The following WDR7 variants were observed in gnomAD, a reference collection of about 807,000 sequenced individuals.
WDR7 encodes the protein WD repeat-containing protein 7.
A neutral mutation model predicts 169.4 loss-of-function variants in WDR7; 46 were observed. The observed-to-expected ratio is 0.27, with a 90% CI of 0.21 to 0.35. The LOEUF is 0.35. WDR7 is among the 10% of genes least tolerant of loss of function. The probability of loss-of-function intolerance (pLI) is 1.00; values close to 1 mark genes in which losing one functional copy is unlikely to be tolerated. For missense variants in WDR7, 1,534 were observed against 1,859.3 expected (o/e 0.83, Z 3.22); for synonymous variants, 612 against 666.8 (o/e 0.92, Z 1.27).
chr18:56,870,786 C>T (rs1436732444), intron 20 of WDR7, among the ~76,000 whole-genome samples: 1 of 152,062 alleles, frequency 6.6e-6, no homozygotes, highest in Non-Finnish European at 1.5e-5. Flanking sequence ...CATGCCCAGC[C>T]TCAATTTGGA....
intron 12 of WDR7, among the ~76,000 whole-genome samples, chr18:56,700,565 C>CTTTT (rs71169389): frequency 8.6e-6 from 1 of 115,836 alleles, no homozygotes; most frequent in African/African-American, 3.4e-5. Flanking sequence ...AATATTGTTT[C>CTTTT]TTTTTTTTTT....
At chr18:56,901,475 G>A (rs1269164804) in intron 21 of WDR7, among the ~76,000 whole-genome samples, 1 of 151,992 alleles carries the variant, frequency 6.6e-6, no homozygotes, top group East Asian at 1.9e-4. Flanking sequence ...ACTCCATTTT[G>A]CATTTACAGA....
intron 21 of WDR7, among the ~76,000 whole-genome samples, chr18:56,907,084 C>T (rs1322874238): frequency 6.6e-6 from 1 of 152,116 alleles, no homozygotes; most frequent in East Asian, 1.9e-4. Context: ...CTCAGCTTTC[C>T]AAGTCTGTGT....
intron 14 of WDR7, among the ~76,000 whole-genome samples, chr18:56,743,899 G>A (rs1241960326): frequency 3.3e-5 from 5 of 152,116 alleles, no homozygotes; most frequent in Non-Finnish European, 7.4e-5. Context: ...TAAAGGGAAG[G>A]AAGGCAGTTG....
At chr18:57,007,551 A>G (rs539772514) in intron 26 of WDR7, among the ~76,000 whole-genome samples, 7 of 152,140 alleles carry the variant, frequency 4.6e-5, no homozygotes, top group Non-Finnish European at 8.8e-5. Flanking sequence ...TCTGAGTCAG[A>G]TAATTACTAC....
intron 14 of WDR7, among the ~76,000 whole-genome samples, chr18:56,756,268 A>C (rs530981018): frequency 1.3e-5 from 2 of 152,312 alleles, no homozygotes; most frequent in Non-Finnish European, 2.9e-5. Context: ...TTGCTCATAA[A>C]TTATTGAAAC....
intron 25 of WDR7, among the ~76,000 whole-genome samples, chr18:56,939,753 A>G (rs1444927404): frequency 2.6e-5 from 4 of 152,216 alleles, no homozygotes; most frequent in African/African-American, 9.6e-5. Flanking sequence ...CTGCCAGCAG[A>G]CATCTTTGTG....
chr18:56,758,275 G>T lies in WDR7; in HGVS notation c.2760-590G>T, dbSNP rs2043929063. Among the ~76,000 whole-genome samples, 3 of 152,236 alleles carry T rather than the reference G, an allele frequency of 2.0e-5. No individual in the cohort carries two copies. In the South Asian group the frequency reaches 6.2e-4, roughly 32 times the overall value. ...CACTTACTTTGTGTCAGTCTCTGTT[G>T]TAAGTACTTTATAAAAACTAATTTG... is the stretch of plus-strand genomic sequence containing the variant. On this transcript the variant is annotated intron_variant, in intron 15 of 27. Transcript: ENST00000254442.
chr18:56,722,725 A>T (rs1250339268), intron 13 of WDR7, among the ~76,000 whole-genome samples: 1 of 151,758 alleles, frequency 6.6e-6, no homozygotes, highest in East Asian at 1.9e-4. Context: ...TAGAGTGGAG[A>T]TATGACTGTG....
intron 16 of WDR7, among the ~76,000 whole-genome samples, chr18:56,774,192 A>T (rs764968391): frequency 6.6e-6 from 1 of 152,124 alleles, no homozygotes; most frequent in Non-Finnish European, 1.5e-5. Flanking sequence ...TAATATCACA[A>T]TAGGAGTAGT....
At chr18:56,782,149 A>G (rs1383299720) in intron 19 of WDR7, 1 of 152,272 alleles carries the variant, frequency 6.6e-6, no homozygotes, top group Non-Finnish European at 1.5e-5. Context: ...ATCTTTCAAA[A>G]GAGTATAATT....
intron 14 of WDR7, among the ~76,000 whole-genome samples, chr18:56,733,431 A>C (rs1000582324): frequency 5.9e-5 from 9 of 152,200 alleles, no homozygotes; most frequent in Middle Eastern, 3.2e-3. Context: ...AGTAAAAAAC[A>C]AACAACTAAG....
At chr18:56,662,453 G>T (rs140542004) in intron 1 of WDR7, among the ~76,000 whole-genome samples, 1 of 152,274 alleles carries the variant, frequency 6.6e-6, no homozygotes, top group Admixed American at 6.5e-5. Context: ...GTCATTGATA[G>T]TTTCAAAAGG....
At chr18:56,782,491 TGAATTA>T (rs2044333634) in intron 19 of WDR7, among the ~76,000 whole-genome samples, 1 of 152,114 alleles carries the variant, frequency 6.6e-6, no homozygotes, top group South Asian at 2.1e-4. Context: ...TAAATTATAT[TGAATTA>T]AAATTAAAAT....
chr18:56,848,780 C>T (rs1378390810), intron 20 of WDR7, among the ~76,000 whole-genome samples: 3 of 152,104 alleles, frequency 2.0e-5, no homozygotes, highest in Admixed American at 2.0e-4. Context: ...TATGCCTGCA[C>T]CTGCTTCACC....
intron 13 of WDR7, 28 bp from the exon 14 acceptor site, chr18:56,731,355 A>C (rs1471093561): frequency 1.9e-6 from 3 of 1,604,788 alleles, no homozygotes; most frequent in Non-Finnish European, 2.6e-6. Context: ...AGTGTTATGA[A>C]ATATTTGTGA....
In WDR7 at chr18:57,027,488, C is replaced by A; in HGVS notation, c.*281C>A. ...GATGGCAGGGGAAAGCCAGTGGTTCCTGGGAACGCTCTTGTTGCTTGGTGC... is the reference window on the plus strand; with the variant it reads ...GATGGCAGGGGAAAGCCAGTGGTTCATGGGAACGCTCTTGTTGCTTGGTGC... On this transcript the variant is annotated 3_prime_UTR_variant, in exon 28 of 28. Transcript: ENST00000254442. 2.1e-6 allele frequency: 1 copy of A among 471,380 alleles called. No individual in the cohort carries two copies. Among genetic ancestry groups the A allele is most frequent in the Non-Finnish European group, 3.8e-6 (1 of 262,280 alleles). 29.2% of individuals were successfully genotyped at this position (471,380 alleles called of 1,614,324 possible).
chr18:56,908,467 C>T, intron 21 of WDR7, among the ~76,000 whole-genome samples: 1 of 152,100 alleles, frequency 6.6e-6, no homozygotes, highest in Non-Finnish European at 1.5e-5. Context: ...ATTTCATTTG[C>T]AATATTAAAC....
chr18:56,725,629 C>T (rs1177067011), intron 13 of WDR7, among the ~76,000 whole-genome samples: 4 of 152,138 alleles, frequency 2.6e-5, no homozygotes, highest in African/African-American at 9.7e-5. Context: ...ATGGTAGTTT[C>T]TTTTGCTGTG....
Sources: gnomAD v4.1 joint callset for allele counts (sites outside exome capture counted in the v4.1 genomes callset) on GRCh38, gnomAD v4.1.1 for gene constraint, MANE v1.5 for transcripts, NCBI Gene and HGNC (gene_info 2026-07-23, HGNC 2026-07-21) for gene names.